The following AMER2 variants were observed in gnomAD, a reference collection of about 807,000 sequenced individuals.
AMER2 encodes the protein APC membrane recruitment protein 2, also known as family with sequence similarity 123A.
In AMER2, 1 loss-of-function variant was observed where a neutral mutation model predicts 4.7. The observed-to-expected ratio is 0.21, with a 90% CI of 0.07 to 1.00. AMER2 has a LOEUF of 1.00. Among genes scored for constraint, AMER2 ranks in the 50% least tolerant of loss-of-function variants. The pLI is 0.60. For synonymous variants in AMER2, 485 were observed against 433.3 expected, an observed-to-expected ratio of 1.12 and a Z score of -1.48; for missense variants, 988 against 966.9, an observed-to-expected ratio of 1.02 and a Z score of -0.29.
Position 25,170,804 on chromosome 13 carries a change from G to C in AMER2, c.816C>G (p.Pro272=), listed in dbSNP as rs777428245. The C allele has an allele frequency of 1.5e-6, 2 of 1,378,526 alleles. No homozygotes were observed. Among genetic ancestry groups the C allele is most frequent in the South Asian group, 3.7e-5 (2 of 53,618 alleles). The allele number at this position is 1,378,526 out of a possible 1,614,324, so 85.4% of individuals were successfully genotyped here. The change falls in exon 1 of 1, where the codon CCC becomes CCG. Residue 272 remains proline (P), a synonymous_variant. Coordinates refer to ENST00000515384, the MANE Select transcript of AMER2 (RefSeq NM_152704.4). This position sits in a 1 kb window ranked among gnomAD's most constrained non-coding sequence, Gnocchi z 7.3. ...AGCTCCGCGCTGGGGCGCGGTCGGC[G>C]GGGGCGGGCACCTCCTCTCCCCCTG... ...EPAGGEEVPA[P]ADRAPARSCR...
Position 25,168,205 on chromosome 13 carries a change from A to G in AMER2, c.*1399T>C, listed in dbSNP as rs1956501294. On this transcript the variant is annotated 3_prime_UTR_variant, in exon 1 of 1. Coordinates refer to ENST00000515384, the MANE Select transcript of AMER2 (RefSeq NM_152704.4). ...TTTCATCTGAAATATTAGAAAACAT[A>G]CATAGAAGCAAACCACTTTTCAAAA... is the stretch of plus-strand genomic sequence containing the variant. 6.6e-6 allele frequency: 1 copy of G among 152,234 alleles called. No homozygotes were observed. Among genetic ancestry groups the G allele is most frequent in the South Asian group, 2.1e-4 (1 of 4,834 alleles). 9.4% of individuals were successfully genotyped at this position (152,234 alleles called of 1,614,324 possible).
rs542743764 is a variant in AMER2, at chr13:25,167,074, C to T, written c.*2530G>A. Reference sequence around the variant, plus strand: ...TAAGATAAACTTTGCTCACGTGTTCCTTTTCTTATAAAGAGGAGACACAGC... The same window carrying T: ...TAAGATAAACTTTGCTCACGTGTTCTTTTTCTTATAAAGAGGAGACACAGC... On this transcript the variant is annotated 3_prime_UTR_variant, in exon 1 of 1. Coordinates refer to ENST00000515384, the MANE Select transcript of AMER2 (RefSeq NM_152704.4). 1 of 152,178 alleles carries T rather than the reference C, an allele frequency of 6.6e-6. No homozygotes were observed. The highest frequency in any genetic ancestry group is 6.5e-5 in the Admixed American group (1 of 15,292). 9.4% of individuals were successfully genotyped at this position (152,178 alleles called of 1,614,324 possible). A position where few individuals can be genotyped will look rare whatever the true frequency, so the allele number is the denominator to read the frequency against.
rs1433900428 is a variant in AMER2, at chr13:25,167,106, G to C, written c.*2498C>G. 6.6e-6 allele frequency: 1 copy of C among 152,144 alleles called. No homozygotes were observed. 9.4% of individuals were successfully genotyped at this position (152,144 alleles called of 1,614,324 possible). On this transcript the variant is annotated 3_prime_UTR_variant, in exon 1 of 1. Coordinates refer to ENST00000515384, the MANE Select transcript of AMER2 (RefSeq NM_152704.4). ...TATAAAGAGGAGACACAGCATAATG[G>C]TGTAAATGGAGGATTAAGTCCTAAA...
In AMER2 at chr13:25,171,641, G is replaced by A; in HGVS notation, c.-22C>T. 1 of 1,455,062 alleles carries A rather than the reference G, an allele frequency of 6.9e-7. No individual in the cohort carries two copies. Among genetic ancestry groups the A allele is most frequent in the African/African-American group, 1.5e-5 (1 of 68,284 alleles). The allele number at this position is 1,455,062 out of a possible 1,614,324, so 90.1% of individuals were successfully genotyped here. On this transcript the variant is annotated 5_prime_UTR_variant, in exon 1 of 1. Coordinates refer to ENST00000515384, the MANE Select transcript of AMER2 (RefSeq NM_152704.4). This position sits in a 1 kb window ranked among gnomAD's most constrained non-coding sequence, Gnocchi z 5.9. Reference sequence around the variant, plus strand: ...CCATGGAAACCGCGCGGGATAAGCCGCTTTCGTCAGCAGTGGGCTCGCGCC... The same window carrying A: ...CCATGGAAACCGCGCGGGATAAGCCACTTTCGTCAGCAGTGGGCTCGCGCC...
At position 25,170,750 on chromosome 13, in the gene AMER2, G is replaced by C. The variant is rs946327141; in HGVS notation, c.870C>G (p.Pro290=). 3 of 1,400,280 alleles carry C rather than the reference G, an allele frequency of 2.1e-6. No individual in the cohort carries two copies. The highest frequency in any genetic ancestry group is 1.8e-6 in the Non-Finnish European group (2 of 1,087,132). 86.7% of individuals were successfully genotyped at this position (1,400,280 alleles called of 1,614,324 possible). The change falls in exon 1 of 1, where the codon CCC becomes CCG. Residue 290 remains proline, a synonymous_variant. Transcript: ENST00000515384. The surrounding 1 kb of genome is among the most constrained non-coding windows in gnomAD (Gnocchi z 7.3). ...SCREAEGLAH[P]GDTGARGEDA... ...CCTCTCCCCGGGCGCCGGTGTCGCC[G>C]GGGTGCGCGAGGCCCTCTGCCTCTC...
rs565321921 is a variant in AMER2, at chr13:25,167,917, C to A, written c.*1687G>T. ...ACTTAAAAAGCATGTAATAACAGTT[C>A]ATTACTAATGCAATCTCTCTGGAAA... On this transcript the variant is annotated 3_prime_UTR_variant, in exon 1 of 1. Transcript: ENST00000515384. The A allele has an allele frequency of 7.2e-5, 11 of 152,240 alleles. No homozygotes were observed. Among genetic ancestry groups the A allele is most frequent in the Admixed American group, 2.0e-4 (3 of 15,302 alleles). 9.4% of individuals were successfully genotyped at this position (152,240 alleles called of 1,614,324 possible). A position where few individuals can be genotyped will look rare whatever the true frequency, so the allele number is the denominator to read the frequency against.
Position 25,171,167 on chromosome 13 carries a change from G to A in AMER2, c.453C>T (p.Ser151=). 6.5e-7 allele frequency: 1 copy of A among 1,534,386 alleles called. No homozygotes were observed. The highest frequency in any genetic ancestry group is 2.7e-5 in the East Asian group (1 of 37,020). ...ACTTGGCCACCGAGCTGCTGGCGAG[G>A]GAGCCCCCGCCGGGCCCTGCGGCTC... The part of the protein sequence containing the change: ...PPRAAGPGGG[S]LASSSVAKSH... The change falls in exon 1 of 1, where the codon TCC becomes TCT. Residue 151 remains serine, a synonymous_variant. Transcript: ENST00000515384. This position sits in a 1 kb window ranked among gnomAD's most constrained non-coding sequence, Gnocchi z 5.9.
chr13:25,169,976 A>C lies in AMER2; in HGVS notation c.1644T>G (p.Asp548Glu), dbSNP rs753356055. The change falls in exon 1 of 1, where the codon GAT (aspartate) becomes GAG (glutamate). Residue 548 changes from aspartate (D) to glutamate (E), a missense_variant. Asp to Glu is a conservative substitution (Grantham distance 45, BLOSUM62 2). Coordinates refer to ENST00000515384, the MANE Select transcript of AMER2 (RefSeq NM_152704.4). This position sits in a 1 kb window ranked among gnomAD's most constrained non-coding sequence, Gnocchi z 4.2. ...CATAGAGCGCGTCCCCGCTGTAGCT[A>C]TCCCGGGGGATGCCCGCCTTCTTCC... Reference protein sequence around the residue: ...SSGKKAGIPRDSYSGDALYDL... With the variant: ...SSGKKAGIPRESYSGDALYDL... 1 of 1,614,032 alleles carries C rather than the reference A, an allele frequency of 6.2e-7. No individual in the cohort carries two copies. The highest frequency in any genetic ancestry group is 1.1e-5 in the South Asian group (1 of 91,078).
rs980142686 is a variant in AMER2 at position 25,166,254 on chromosome 13, A to G, written c.*3350T>C. On this transcript the variant is annotated 3_prime_UTR_variant, in exon 1 of 1. Transcript: ENST00000515384. ...GGAAGTCCTTTGTATTCTATATTCC[A>G]TTGTTGTTATTAGATAAAATAAAAT... 6.6e-6 allele frequency: 1 copy of G among 152,204 alleles called. No homozygotes were observed. The highest frequency in any genetic ancestry group is 2.4e-5 in the African/African-American group (1 of 41,458). 9.4% of individuals were successfully genotyped at this position (152,204 alleles called of 1,614,324 possible).
rs1956437021 is a variant in AMER2 at position 25,163,606 on chromosome 13, G to A, written c.*5998C>T. The A allele has an allele frequency of 6.6e-6, 1 of 151,556 alleles. No homozygotes were observed. Among genetic ancestry groups the A allele is most frequent in the Non-Finnish European group, 1.5e-5 (1 of 67,934 alleles). 9.4% of individuals were successfully genotyped at this position (151,556 alleles called of 1,614,324 possible). On this transcript the variant is annotated 3_prime_UTR_variant, in exon 1 of 1. Coordinates refer to ENST00000515384, the MANE Select transcript of AMER2 (RefSeq NM_152704.4). ...AGTCACAGAAGGACAAATACTGCGC[G>A]TTTCCACTTCTATAAGGGATCTAAA...
rs1370423314 is a variant in AMER2, at chr13:25,161,719, A to G, written c.*7885T>C. ...AAGGAGCAACAAAATTTATTGACTG[A>G]ATTAAACACAACAGTAAAATGGCAG... On this transcript the variant is annotated 3_prime_UTR_variant, in exon 1 of 1. Transcript: ENST00000515384. 1 of 152,276 alleles carries G rather than the reference A, an allele frequency of 6.6e-6. No individual in the cohort carries two copies. Among genetic ancestry groups the G allele is most frequent in the Non-Finnish European group, 1.5e-5 (1 of 68,052 alleles). 9.4% of individuals were successfully genotyped at this position (152,276 alleles called of 1,614,324 possible).
rs894910526 is a variant in AMER2 at position 25,161,938 on chromosome 13, T to C, written c.*7666A>G. ...ATTTACAGGTTTAAAAATATAAACATTGATTCCTCTATCCCATTAAACCAT... is the reference window on the plus strand; with the variant it reads ...ATTTACAGGTTTAAAAATATAAACACTGATTCCTCTATCCCATTAAACCAT... On this transcript the variant is annotated 3_prime_UTR_variant, in exon 1 of 1. Transcript: ENST00000515384. 4.6e-5 allele frequency: 7 copies of C among 152,102 alleles called. No individual in the cohort carries two copies. The highest frequency in any genetic ancestry group is 1.7e-4 in the African/African-American group (7 of 41,414). The allele number at this position is 152,102 out of a possible 1,614,324, so 9.4% of individuals were successfully genotyped here.
Position 25,171,129 on chromosome 13 carries a change from A to T in AMER2, c.491T>A (p.Phe164Tyr). 6.4e-7 allele frequency: 1 copy of T among 1,555,872 alleles called. No homozygotes were observed. Among genetic ancestry groups the T allele is most frequent in the Non-Finnish European group, 8.7e-7 (1 of 1,151,928 alleles). The change falls in exon 1 of 1, where the codon TTC becomes TAC. Residue 164 changes from phenylalanine to tyrosine, a missense_variant. Physicochemically the swap from Phe to Tyr is conservative, Grantham distance 22. Coordinates refer to ENST00000515384, the MANE Select transcript of AMER2 (RefSeq NM_152704.4). This position sits in a 1 kb window ranked among gnomAD's most constrained non-coding sequence, Gnocchi z 5.9. ...SSSVAKSHSFFSLLKKNGRSE... is the reference protein window; with the variant it reads ...SSSVAKSHSFYSLLKKNGRSE... Reference sequence around the variant, plus strand: ...GCGCCCGTTCTTCTTCAGCAGCGAGAAGAAGCTGTGCGACTTGGCCACCGA... The same window carrying T: ...GCGCCCGTTCTTCTTCAGCAGCGAGTAGAAGCTGTGCGACTTGGCCACCGA...
Position 25,167,597 on chromosome 13 carries a change from T to C in AMER2, c.*2007A>G, listed in dbSNP as rs1258850889. The stretch of plus-strand genomic sequence containing the variant: ...CAGAATGCTTAAGGCTATGACTGCA[T>C]ATAGGGCCTCATTTACACACATAAA... On this transcript the variant is annotated 3_prime_UTR_variant, in exon 1 of 1. Coordinates refer to ENST00000515384, the MANE Select transcript of AMER2 (RefSeq NM_152704.4). The C allele has an allele frequency of 1.3e-5, 2 of 152,168 alleles. No homozygotes were observed. The highest frequency in any genetic ancestry group is 2.4e-5 in the African/African-American group (1 of 41,456). 9.4% of individuals were successfully genotyped at this position (152,168 alleles called of 1,614,324 possible).
rs762272393 is a variant in AMER2, at chr13:25,171,212, C to T, written c.408G>A (p.Arg136=). 17 of 1,367,478 alleles carry T rather than the reference C, an allele frequency of 1.2e-5. No individual in the cohort carries two copies. In the African/African-American group the frequency reaches 2.3e-4, roughly 19 times the overall value. 84.7% of individuals were successfully genotyped at this position (1,367,478 alleles called of 1,614,324 possible). A position where few individuals can be genotyped will look rare whatever the true frequency, so the allele number is the denominator to read the frequency against. The change falls in exon 1 of 1, where the codon CGG becomes CGA. Residue 136 remains arginine (R), a synonymous_variant. Coordinates refer to ENST00000515384, the MANE Select transcript of AMER2 (RefSeq NM_152704.4). This position sits in a 1 kb window ranked among gnomAD's most constrained non-coding sequence, Gnocchi z 5.9. ...GGDSGGGGGG[R]PNPGPPRAAG... is the part of the protein sequence containing the mutation. Reference sequence around the variant, plus strand: ...CGGCTCTGGGGGGCCCCGGGTTCGGCCGCCCCCCGCCGCCCCCGCCGCTGT... The same window carrying T: ...CGGCTCTGGGGGGCCCCGGGTTCGGTCGCCCCCCGCCGCCCCCGCCGCTGT...
At position 25,164,534 on chromosome 13, in the gene AMER2, A is replaced by G. The variant is rs556987957; in HGVS notation, c.*5070T>C. 31 of 150,124 alleles carry G rather than the reference A, an allele frequency of 2.1e-4. 2 individuals are homozygous for G. Among genetic ancestry groups the G allele is most frequent in the African/African-American group, 7.4e-4 (30 of 40,582 alleles). 9.3% of individuals were successfully genotyped at this position (150,124 alleles called of 1,614,324 possible). ...GCAGTGCTTAGCTCTCTATTACTGA[A>G]AATCACTAAAGAGTTTATATCCCTG... On this transcript the variant is annotated 3_prime_UTR_variant, in exon 1 of 1. Transcript: ENST00000515384.
Position 25,170,503 on chromosome 13 carries a change from T to C in AMER2, c.1117A>G (p.Lys373Glu), listed in dbSNP as rs1232828051. Residue 373 changes from lysine (K) to glutamate (E), a missense_variant, in exon 1 of 1, where the codon AAA becomes GAA. Lys to Glu is a moderately conservative substitution (Grantham distance 56, BLOSUM62 1). Transcript: ENST00000515384. The surrounding 1 kb of genome is among the most constrained non-coding windows in gnomAD (Gnocchi z 7.3). ...CAGCCTGTAAGAGAGTCAAAGCTTT[T>C]CAGTGAAGTCACGTCAGAAAACATC... ...CLMFSDVTSL[K>E]SFDSLTGCGD... The C allele has an allele frequency of 6.2e-7, 1 of 1,614,196 alleles. No homozygotes were observed.
In AMER2 at chr13:25,170,291, G is replaced by T; in HGVS notation, c.1329C>A (p.Leu443=). ...CGGGTCCCTGCTCCTCGGTCTGGGA[G>T]AGCATGTCCCAGAACTCCTGTAGAT... is the stretch of plus-strand genomic sequence containing the variant. ...DTYLQEFWDM[L]SQTEEQGPEP... is the part of the protein sequence containing the mutation. Residue 443 remains leucine (L), a synonymous_variant, in exon 1 of 1, where the codon CTC becomes CTA. Transcript: ENST00000515384. This position sits in a 1 kb window ranked among gnomAD's most constrained non-coding sequence, Gnocchi z 7.3. The T allele has an allele frequency of 2.5e-6, 4 of 1,613,710 alleles. No individual in the cohort carries two copies. The highest frequency in any genetic ancestry group is 2.2e-5 in the East Asian group (1 of 44,830).
rs893030089 is a variant in AMER2 at position 25,171,855 on chromosome 13, T to C, written c.-236A>G. ...AGGAGCAGGCAACACAGCCGCGAGC[T>C]GATTGCAGAAATTCGAGTCGTAATT... On this transcript the variant is annotated 5_prime_UTR_variant, in exon 1 of 1. Transcript: ENST00000515384. The surrounding 1 kb of genome is among the most constrained non-coding windows in gnomAD (Gnocchi z 5.9). The C allele has an allele frequency of 1.3e-5, 9 of 693,124 alleles. No homozygotes were observed. Among genetic ancestry groups the C allele is most frequent in the African/African-American group, 9.3e-5 (5 of 53,702 alleles). The allele number at this position is 693,124 out of a possible 1,614,324, so 42.9% of individuals were successfully genotyped here.
Sources: allele counts gnomAD v4.1 joint callset, GRCh38; gene constraint gnomAD v4.1.1; non-coding constraint Gnocchi (gnomAD v3.1); transcripts MANE v1.5; gene names NCBI Gene and HGNC (gene_info 2026-07-23, HGNC 2026-07-21).